SBF2: variants seen among roughly 807,000 people sequenced by gnomAD.
SBF2 encodes SET binding factor 2.
SBF2 carries 112 observed loss-of-function variants against 225.2 expected under a neutral mutation model. The observed-to-expected ratio is 0.50, with a 90% confidence interval of 0.43 to 0.58. The LOEUF is 0.58. Among genes scored for constraint, SBF2 ranks in the 20% least tolerant of loss-of-function variants. The pLI, the probability that SBF2 is intolerant of heterozygous loss-of-function variation, is 0.00. For synonymous variants in SBF2, 763 were observed against 773.3 expected (o/e 0.99, Z 0.22); for missense variants, 1,996 against 2,206.2 (o/e 0.90, Z 1.91).
At chr11:10,076,238 A>T (rs1378587753) in intron 2 of SBF2, among the ~76,000 whole-genome samples, 1 of 152,130 alleles carries the variant, frequency 6.6e-6, no homozygotes, top group Admixed American at 6.6e-5. Flanking sequence ...TAAGTTGGAG[A>T]ACAGGGAGAC....
chr11:9,792,478 G>C (rs1852813505), intron 33 of SBF2, among the ~76,000 whole-genome samples: 2 of 151,974 alleles, frequency 1.3e-5, no homozygotes, highest in South Asian at 2.1e-4. Context: ...CAGTGGTTGA[G>C]ATTACTTACT....
intron 6 of SBF2, 106 bp from the exon 7 acceptor site, chr11:10,002,795 T>G: frequency 9.7e-7 from 1 of 1,035,204 alleles, no homozygotes; most frequent in East Asian, 2.4e-5. Context: ...TTTTGGACTC[T>G]CTGAAGGAAA....
chr11:10,269,178 T>C (rs560411618), intron 1 of SBF2, among the ~76,000 whole-genome samples: 1 of 152,354 alleles, frequency 6.6e-6, no homozygotes, highest in East Asian at 1.9e-4. Flanking sequence ...TAGATAATGT[T>C]TCCAGAGCTA....
At chr11:10,175,243 C>G (rs904005835) in intron 2 of SBF2, among the ~76,000 whole-genome samples, 8 of 151,806 alleles carry the variant, frequency 5.3e-5, no homozygotes, top group African/African-American at 1.9e-4. Context: ...CAAGACCCAT[C>G]AGTGTTCTGT....
At chr11:10,239,256 T>G (rs576579628) in intron 1 of SBF2, among the ~76,000 whole-genome samples, 88 of 150,804 alleles carry the variant, frequency 5.8e-4, no homozygotes, top group African/African-American at 2.1e-3. Context: ...TCAGCAGATT[T>G]AAAAGGACTG....
At chr11:10,188,275 C>G (rs1957020929) in intron 2 of SBF2, among the ~76,000 whole-genome samples, 1 of 152,056 alleles carries the variant, frequency 6.6e-6, no homozygotes, top group African/African-American at 2.4e-5. Flanking sequence ...GGAACTGGAA[C>G]TTAAGAAGTA....
chr11:10,062,162 T>C (rs541861129), intron 2 of SBF2, among the ~76,000 whole-genome samples: 31 of 152,332 alleles, frequency 2.0e-4, no homozygotes, highest in African/African-American at 7.5e-4. Context: ...GCTGGACCCC[T>C]TCCTCACACC....
chr11:9,890,059 A>G (rs1230461994), intron 17 of SBF2, among the ~76,000 whole-genome samples: 2 of 152,134 alleles, frequency 1.3e-5, no homozygotes, highest in East Asian at 3.8e-4. Flanking sequence ...GTGTGCCACC[A>G]TGCCCAGCTA....
chr11:9,823,277 A>G (rs1284531967), intron 28 of SBF2, among the ~76,000 whole-genome samples: 1 of 152,216 alleles, frequency 6.6e-6, no homozygotes, highest in Non-Finnish European at 1.5e-5. Flanking sequence ...CAGCCCTTGT[A>G]TTAGGAACTC....
In SBF2 at chr11:10,016,762, A is replaced by T. The variant is rs780005464; in HGVS notation, c.619+11690T>A. ...CGGCCTCCCAAAGTGCTGAGATTAC[A>T]GGCGTGAGCCACCGTGCCTGGCAAG... On this transcript the variant is annotated intron_variant, in intron 6 of 39. Coordinates refer to ENST00000256190, the MANE Select transcript of SBF2 (RefSeq NM_030962.4). The T allele has an allele frequency of 1.2e-4, 19 of 152,340 alleles. No individual in the cohort carries two copies. The Middle Eastern group carries it at 0.017, about 135-fold the overall frequency. 9.4% of individuals were successfully genotyped at this position (152,340 alleles called of 1,614,324 possible).
chr11:9,844,675 C>T (rs961258221), intron 24 of SBF2, among the ~76,000 whole-genome samples: 5 of 152,090 alleles, frequency 3.3e-5, no homozygotes, highest in Non-Finnish European at 7.4e-5. Context: ...TGAATATAGA[C>T]TCTGGGTTAG....
intron 2 of SBF2, among the ~76,000 whole-genome samples, chr11:10,172,508 C>T (rs527739092): frequency 7.2e-4 from 109 of 151,336 alleles, no homozygotes; most frequent in African/African-American, 2.4e-3. Context: ...CCTGCCACCG[C>T]GCCCGGCTAA....
intron 16 of SBF2, among the ~76,000 whole-genome samples, chr11:9,902,597 T>C (rs189050361): frequency 2.6e-5 from 4 of 152,290 alleles, no homozygotes; most frequent in South Asian, 2.1e-4. Context: ...ATTTTTCAAT[T>C]AACAAGAATG....
intron 1 of SBF2, among the ~76,000 whole-genome samples, chr11:10,290,754 C>A (rs1964110234): frequency 6.6e-6 from 1 of 152,090 alleles, no homozygotes; most frequent in Non-Finnish European, 1.5e-5. Context: ...AGTATGAATT[C>A]ATAGTTTTCA....
intron 2 of SBF2, among the ~76,000 whole-genome samples, chr11:10,167,000 T>G (rs1167920822): frequency 7.3e-6 from 1 of 136,758 alleles, no homozygotes; most frequent in African/African-American, 2.7e-5. Flanking sequence ...AAAAGGCTAC[T>G]AATTGAAAAG....
intron 1 of SBF2, among the ~76,000 whole-genome samples, chr11:10,229,520 T>TAAGA: frequency 6.6e-6 from 1 of 152,210 alleles, no homozygotes; most frequent in Non-Finnish European, 1.5e-5. Flanking sequence ...TGTGTCTTCG[T>TAAGA]TCTTGTTGGT....
intron 2 of SBF2, among the ~76,000 whole-genome samples, chr11:10,110,395 A>T (rs1952781441): frequency 1.3e-5 from 2 of 152,182 alleles, no homozygotes; most frequent in African/African-American, 4.8e-5. Context: ...TTAAAATAGA[A>T]AATTTTAAAA....
chr11:9,839,834 A>C (rs1855989780), intron 25 of SBF2, 138 bp from the exon 26 acceptor site: 1 of 1,009,682 alleles, frequency 9.9e-7, no homozygotes, highest in Non-Finnish European at 1.6e-6. Flanking sequence ...ATTAGCTCAA[A>C]GCAATTGAGG....
At chr11:9,937,883 C>A (rs1433001474) in intron 16 of SBF2, among the ~76,000 whole-genome samples, 1 of 151,834 alleles carries the variant, frequency 6.6e-6, no homozygotes, top group Non-Finnish European at 1.5e-5. Flanking sequence ...CTATAACATG[C>A]TAAAGAATAC....
Sources: gnomAD v4.1 joint callset for allele counts (sites outside exome capture counted in the v4.1 genomes callset) on GRCh38, gnomAD v4.1.1 for gene constraint, MANE v1.5 for transcripts, NCBI Gene and HGNC (gene_info 2026-07-23, HGNC 2026-07-21) for gene names.